Variants in FRS2 observed in about 807,000 individuals in gnomAD.
FRS2 encodes the protein fibroblast growth factor receptor substrate 2, also known as FGFR signalling adaptor.
A neutral mutation model predicts 43.9 loss-of-function variants in FRS2; 8 were observed. That is an observed-to-expected ratio of 0.18 (90% CI 0.11 to 0.33). The LOEUF is 0.33. FRS2 is among the 10% of genes least tolerant of loss of function. The pLI, the probability that FRS2 is intolerant of heterozygous loss-of-function variation, is 1.00. For missense variants in FRS2, 534 were observed against 627.6 expected, an observed-to-expected ratio of 0.85 and a Z score of 1.59; for synonymous variants, 219 against 220.3, an observed-to-expected ratio of 0.99 and a Z score of 0.05.
At chr12:69,497,151 A>G (rs910138333) in intron 1 of FRS2, among the ~76,000 whole-genome samples, 2 of 152,200 alleles carry the variant, frequency 1.3e-5, no homozygotes, top group Admixed American at 6.5e-5. Flanking sequence ...AAGTTCCTGC[A>G]CTCATGTAGC....
chr12:69,530,604 G>A lies in FRS2; in HGVS notation c.-260-261G>A, dbSNP rs1005281113. ...TAATAATTTAAAAAATTGGCTGGCC[G>A]TGGTGGCATGCACCTGTGGTCCCAG... is the stretch of plus-strand genomic sequence containing the variant. On this transcript the variant is annotated intron_variant, in intron 1 of 8. Transcript: ENST00000549921. 6.9e-4 allele frequency among the ~76,000 whole-genome samples: 105 copies of A among 152,026 alleles called. 2 individuals carry two copies. The highest frequency in any genetic ancestry group is 6.6e-3 in the Admixed American group (100 of 15,258).
At position 69,570,394 on chromosome 12, in the gene FRS2, G is replaced by C; in HGVS notation, c.130G>C (p.Glu44Gln). The C allele has an allele frequency of 6.2e-7, 1 of 1,613,690 alleles. No individual in the cohort carries two copies. The highest frequency in any genetic ancestry group is 8.5e-7 in the Non-Finnish European group (1 of 1,179,620). The change falls in exon 6 of 9, where the codon GAA becomes CAA. Residue 44 changes from glutamate to glutamine, a missense_variant. Glu to Gln is a conservative substitution (Grantham distance 29, BLOSUM62 2). Around this residue, in one of 3 missense-constraint regions of FRS2, gnomAD observed 76 missense variants for 90.5 expected, o/e 0.84. Coordinates refer to ENST00000549921, the MANE Select transcript of FRS2 (RefSeq NM_001278356.2). ...TGGCATAATGGAACTTACAGACACA[G>C]AACTGATTTTATACACCCGCAAACG... ...GSGIMELTDTELILYTRKRDS... is the reference protein window; with the variant it reads ...GSGIMELTDTQLILYTRKRDS...
intron 1 of FRS2, among the ~76,000 whole-genome samples, chr12:69,517,231 T>C (rs1385352949): frequency 6.6e-6 from 1 of 152,236 alleles, no homozygotes; most frequent in Non-Finnish European, 1.5e-5. Context: ...GATGGTTCAA[T>C]GTATATACAA....
chr12:69,546,303 G>T (rs558929298), intron 3 of FRS2, among the ~76,000 whole-genome samples: 3 of 152,198 alleles, frequency 2.0e-5, no homozygotes, highest in Non-Finnish European at 4.4e-5. Flanking sequence ...TATTGCTCAG[G>T]CTGGAGCGCA....
At chr12:69,571,795 T>C (rs1009582819) in intron 7 of FRS2, among the ~76,000 whole-genome samples, 2 of 151,798 alleles carry the variant, frequency 1.3e-5, no homozygotes, top group African/African-American at 4.8e-5. Flanking sequence ...ACCCGGGAGG[T>C]GGAGCTTGCA....
At chr12:69,549,099 G>A (rs964462928) in intron 3 of FRS2, among the ~76,000 whole-genome samples, 1 of 152,184 alleles carries the variant, frequency 6.6e-6, no homozygotes, top group Non-Finnish European at 1.5e-5. Context: ...TAATTATTTA[G>A]TGGTAGAAAG....
In FRS2 at chr12:69,578,933, A is replaced by G. The variant is rs1308090468; in HGVS notation, c.*3978A>G. ...AAACATTCCATATTTCTCTAATAAA[A>G]AGACATAAGTGATACTGTACTATGC... On this transcript the variant is annotated 3_prime_UTR_variant, in exon 9 of 9. Transcript: ENST00000549921. 6.6e-6 allele frequency: 1 copy of G among 152,638 alleles called. No homozygotes were observed. The highest frequency in any genetic ancestry group is 2.4e-5 in the African/African-American group (1 of 41,454). The allele number at this position is 152,638 out of a possible 1,614,324, so 9.5% of individuals were successfully genotyped here.
intron 1 of FRS2, among the ~76,000 whole-genome samples, chr12:69,488,271 T>C (rs1319999122): frequency 1.3e-5 from 2 of 152,192 alleles, no homozygotes; most frequent in African/African-American, 4.8e-5. Context: ...GGCAAGTGAT[T>C]GTTGCCTTAA....
chr12:69,557,619 T>TGTGTGTGTGCGCGTGC (rs1555192498), intron 3 of FRS2, among the ~76,000 whole-genome samples: 30 of 118,966 alleles, frequency 2.5e-4, no homozygotes, highest in African/African-American at 7.7e-4. Context: ...TGTGTGTGTG[T>TGTGTGTGTGCGCGTGC]GCGCGCGCGC....
chr12:69,486,791 C>G (rs1871994435), intron 1 of FRS2, among the ~76,000 whole-genome samples: 1 of 152,132 alleles, frequency 6.6e-6, no homozygotes, highest in Non-Finnish European at 1.5e-5. Flanking sequence ...AATAGAAGAT[C>G]AAACCAGCCA....
At chr12:69,523,717 T>C (rs1406808517) in intron 1 of FRS2, among the ~76,000 whole-genome samples, 1 of 152,244 alleles carries the variant, frequency 6.6e-6, no homozygotes, top group African/African-American at 2.4e-5. Flanking sequence ...TAAGGGTCTT[T>C]CCTTTCCATA....
At chr12:69,475,693 T>A (rs1870698700) in intron 1 of FRS2, among the ~76,000 whole-genome samples, 2 of 152,166 alleles carry the variant, frequency 1.3e-5, no homozygotes, top group Admixed American at 6.5e-5. Context: ...AGCTTACATT[T>A]CCTCATTATT....
At chr12:69,550,633 T>G (rs922103985) in intron 3 of FRS2, among the ~76,000 whole-genome samples, 2 of 152,222 alleles carry the variant, frequency 1.3e-5, no homozygotes, top group Admixed American at 6.5e-5. Flanking sequence ...CATTTTAAAT[T>G]CTAATGTAGT....
At chr12:69,480,311 A>G (rs1243757242) in intron 1 of FRS2, 1 of 152,110 alleles carries the variant, frequency 6.6e-6, no homozygotes, top group Non-Finnish European at 1.5e-5. Context: ...CCTGGCAACC[A>G]CTATTTGAGT....
At chr12:69,509,657 C>T (rs1874278863) in intron 1 of FRS2, among the ~76,000 whole-genome samples, 1 of 152,108 alleles carries the variant, frequency 6.6e-6, no homozygotes, top group Non-Finnish European at 1.5e-5. Flanking sequence ...CAGCTTGCTT[C>T]CTGATGGCTT....
chr12:69,563,755 C>G (rs1276328321), intron 4 of FRS2, among the ~76,000 whole-genome samples: 1 of 152,160 alleles, frequency 6.6e-6, no homozygotes, highest in African/African-American at 2.4e-5. Context: ...CTTGCGTTCT[C>G]TTTTACAAAG....
intron 8 of FRS2, among the ~76,000 whole-genome samples, 178 bp downstream of exon 8, chr12:69,572,459 C>T (rs372872776): frequency 1.3e-5 from 2 of 152,078 alleles, no homozygotes; most frequent in South Asian, 2.1e-4. Flanking sequence ...CAAATATATG[C>T]GGGTATTCAG....
rs79591486 is a variant in FRS2 at position 69,512,835 on chromosome 12, A to G, written c.-260-18030A>G. On this transcript the variant is annotated intron_variant, in intron 1 of 8. Coordinates refer to ENST00000549921, the MANE Select transcript of FRS2 (RefSeq NM_001278356.2). ...ATGAATTATCATAAATCAGAACGTT[A>G]TGTTAAAAAGAATACAAACAGTTGA... Among the ~76,000 whole-genome samples the G allele has an allele frequency of 7.4e-3, 1,132 of 152,310 alleles. 3 individuals carry two copies. The highest frequency in any genetic ancestry group is 0.011 in the Non-Finnish European group (744 of 68,006).
At chr12:69,539,257 G>A (rs1160856244) in intron 3 of FRS2, among the ~76,000 whole-genome samples, 1 of 152,030 alleles carries the variant, frequency 6.6e-6, no homozygotes, top group Non-Finnish European at 1.5e-5. Flanking sequence ...TGTATTTTTA[G>A]TAGAGATGGG....
Sources: allele counts gnomAD v4.1 joint callset (sites outside exome capture counted in the v4.1 genomes callset), GRCh38; gene constraint gnomAD v4.1.1; regional missense constraint gnomAD v4.1.1; transcripts MANE v1.5; gene names NCBI Gene and HGNC (gene_info 2026-07-23, HGNC 2026-07-21).